POLG: variants seen among roughly 807,000 people sequenced by gnomAD.
POLG encodes the protein DNA polymerase gamma, catalytic subunit.
Under a neutral mutation model 155.4 loss-of-function variants are expected in POLG, and 110 were observed. That is an observed-to-expected ratio of 0.71 (90% confidence interval 0.61 to 0.83). The LOEUF is 0.83. Ranked by LOEUF, POLG falls within the 40% of genes least tolerant of loss-of-function variation. The pLI, the probability that POLG is intolerant of heterozygous loss-of-function variation, is 0.00. For missense variants in POLG, 1,685 were observed against 1,627.5 expected, an observed-to-expected ratio of 1.04 and a Z score of -0.61; for synonymous variants, 701 against 631.5, an observed-to-expected ratio of 1.11 and a Z score of -1.65.
chr15:89,325,494 C>T lies in POLG; in HGVS notation c.1905G>A (p.Pro635=), dbSNP rs550592814. Residue 635 remains proline (P), a synonymous_variant, in exon 10 of 23, where the codon CCG becomes CCA. Transcript: ENST00000268124. ...CAGCTGACTCCAGGGTGGTACCTGTCGGCAGCTTGGCCAGGTTGTCCCGCC... is the reference window on the plus strand; with the variant it reads ...CAGCTGACTCCAGGGTGGTACCTGTTGGCAGCTTGGCCAGGTTGTCCCGCC... The part of the protein sequence containing the change: ...PGRRDNLAKL[P]TGTTLESAGV... 9.2e-5 allele frequency: 148 copies of T among 1,608,740 alleles called. 1 individual carries two copies. The South Asian group carries it at 1.4e-3, about 15-fold the overall frequency.
Position 89,333,348 on chromosome 15 carries a change from T to G in POLG, c.407A>C (p.Asp136Ala), listed in dbSNP as rs1453249242. 3.2e-6 allele frequency: 5 copies of G among 1,568,484 alleles called. No individual in the cohort carries two copies. In the South Asian group the frequency reaches 3.4e-5, roughly 11 times the overall value. Reference protein sequence around the residue: ...RLPPLYGDNLDQHFRLLAQKQ... With the variant: ...RLPPLYGDNLAQHFRLLAQKQ... ...CTGGGCCAGGAGGCGGAAGTGCTGG[T>G]CCAGGTTGTCCCCGTAGAGGGGCGG... Residue 136 changes from aspartate (D) to alanine (A), a missense_variant, in exon 2 of 23, where the codon GAC becomes GCC. Physicochemically the swap from Asp to Ala is moderately radical, Grantham distance 126. This residue lies in a region of POLG where 1,210 missense variants were observed against 1,167.1 expected (regional missense o/e 1.04). Transcript: ENST00000268124.
chr15:89,331,583 C>G (rs769221264), intron 2 of POLG, among the ~76,000 whole-genome samples: 19 of 152,254 alleles, frequency 1.2e-4, no homozygotes, highest in Non-Finnish European at 2.4e-4. Flanking sequence ...AGACGTCCCT[C>G]TAGCCTGATG....
intron 6 of POLG, 52 bp from the exon 7 acceptor site, chr15:89,327,401 G>A: frequency 1.9e-6 from 3 of 1,554,518 alleles, no homozygotes; most frequent in South Asian, 1.1e-5. Flanking sequence ...AGGCAAGACT[G>A]GCCCAATCCC....
At chr15:89,332,147 T>C (rs1366953769) in intron 2 of POLG, 2 of 152,280 alleles carry the variant, frequency 1.3e-5, no homozygotes, top group South Asian at 2.1e-4. Flanking sequence ...AGTAGTGTGA[T>C]TCTCATTGTA....
intron 10 of POLG, 58 bp downstream of exon 10, chr15:89,325,392 A>G: frequency 2.4e-6 from 3 of 1,242,166 alleles, no homozygotes; most frequent in Non-Finnish European, 3.5e-6. Context: ...TGAGCTGACC[A>G]GCCAGGGGAA....
chr15:89,326,886 C>T lies in POLG; in HGVS notation c.1585+26G>A, dbSNP rs752028263. The T allele has an allele frequency of 8.1e-6, 13 of 1,613,524 alleles. No individual in the cohort carries two copies. In the East Asian group the frequency reaches 8.9e-5, roughly 11 times the overall value. On this transcript the variant is annotated intron_variant, in intron 8 of 22. Coordinates refer to ENST00000268124, the MANE Select transcript of POLG (RefSeq NM_002693.3). ...CTTCCCAGAGACAACCCCTACCCTACCCTACCTCCCACCCATGCTCCCCAC... is the reference window on the plus strand; with the variant it reads ...CTTCCCAGAGACAACCCCTACCCTATCCTACCTCCCACCCATGCTCCCCAC...
At chr15:89,325,261 AGTGAGTGAGTG>A (rs1567190010) in intron 10 of POLG, among the ~76,000 whole-genome samples, 178 bp downstream of exon 10, 6 of 108,626 alleles carry the variant, frequency 5.5e-5, no homozygotes, top group Admixed American at 8.5e-5. Flanking sequence ...AGAGAGAGTG[AGTGAGTGAGTG>A]AGAGAGAGAG....
rs1474085308 is a variant in POLG, at chr15:89,325,231, TGAGA to T, written c.1949+215_1949+218del. Among the ~76,000 whole-genome samples, 118 of 43,272 alleles carry T rather than the reference TGAGA, an allele frequency of 2.7e-3. 19 individuals are homozygous for T. Among genetic ancestry groups the T allele is most frequent in the African/African-American group, 9.3e-3 (86 of 9,266 alleles). 28.4% of individuals were successfully genotyped at this position (43,272 alleles called of 152,430 possible). On this transcript the variant is annotated intron_variant, in intron 10 of 22. Transcript: ENST00000268124. The stretch of plus-strand genomic sequence containing the variant: ...GAGAGTGAGTGAGTGAGAGAGTGAG[TGAGA>T]GAGTGAGTGAGTGAGAGAGAGAGTG...
intron 17 of POLG, 33 bp from the exon 18 acceptor site, chr15:89,321,045 C>G (rs746597702): frequency 6.2e-7 from 1 of 1,613,928 alleles, no homozygotes; most frequent in South Asian, 1.1e-5. Context: ...AAAAGCAGCT[C>G]AGGAACATTC....
chr15:89,326,844 C>T, intron 8 of POLG, 68 bp downstream of exon 8: 1 of 1,609,134 alleles, frequency 6.2e-7, no homozygotes, highest in Non-Finnish European at 8.5e-7. Flanking sequence ...TTCGAAGGAC[C>T]CCCTCAATCA....
rs780017269 is a variant in POLG, at chr15:89,325,486, G to C, written c.1913C>G (p.Thr638Ser). 6.2e-7 allele frequency: 1 copy of C among 1,607,502 alleles called. No homozygotes were observed. Among genetic ancestry groups the C allele is most frequent in the South Asian group, 1.1e-5 (1 of 91,072 alleles). The change falls in exon 10 of 23, where the codon ACC (threonine) becomes AGC (serine). Residue 638 changes from threonine (T) to serine (S), a missense_variant. Transcript: ENST00000268124. ...RDNLAKLPTG[T>S]TLESAGVVCP... ...GACCACCCCAGCTGACTCCAGGGTG[G>C]TACCTGTCGGCAGCTTGGCCAGGTT... is the stretch of plus-strand genomic sequence containing the variant.
chr15:89,325,184 GAGT>G (rs2055483819), intron 10 of POLG, among the ~76,000 whole-genome samples: 1 of 91,668 alleles, frequency 1.1e-5, no homozygotes, highest in Non-Finnish European at 2.3e-5. Context: ...GTGAGAGAGT[GAGT>G]GAGTGAGAGA....
chr15:89,320,769 C>A lies in POLG; in HGVS notation c.2978G>T (p.Arg993Leu). Reference protein sequence around the residue: ...QQMYAATKGLRWYRLSDEGEW... With the variant: ...QQMYAATKGLLWYRLSDEGEW... ...TGGATGGGAGAGGGACCCTCACCAG[C>A]GGAGGCCCTTGGTGGCAGCGTACAT... The change falls in exon 18 of 23, where the codon CGC becomes CTC. Residue 993 changes from arginine (R) to leucine (L), a missense_variant. By Grantham distance (102) the Arg-to-Leu change is moderately radical. Around this residue, in one of 3 missense-constraint regions of POLG, gnomAD observed 470 missense variants for 439.9 expected, o/e 1.07. Transcript: ENST00000268124. 1 of 1,612,936 alleles carries A rather than the reference C, an allele frequency of 6.2e-7. No homozygotes were observed. Among genetic ancestry groups the A allele is most frequent in the Non-Finnish European group, 8.5e-7 (1 of 1,180,014 alleles).
At chr15:89,331,373 C>CT (rs1269715385) in intron 2 of POLG, among the ~76,000 whole-genome samples, 1 of 151,976 alleles carries the variant, frequency 6.6e-6, no homozygotes, top group Non-Finnish European at 1.5e-5. Context: ...AATGCCAAAT[C>CT]TTTGAGGCCA....
chr15:89,331,786 C>G (rs2055597337), intron 2 of POLG, among the ~76,000 whole-genome samples: 1 of 151,986 alleles, frequency 6.6e-6, no homozygotes, highest in Admixed American at 6.6e-5. Context: ...CCCCACCCAC[C>G]AGTCAGACTC....
In POLG at chr15:89,316,530, T is replaced by C. The variant is rs1447874569; in HGVS notation, c.*221A>G. On this transcript the variant is annotated 3_prime_UTR_variant, in exon 23 of 23. Transcript: ENST00000268124. ...TTTACCCAACAAGCAACAATGCCCC[T>C]TGTCCTGTAGTCCACACCGATGTTG... 1 of 1,468,206 alleles carries C rather than the reference T, an allele frequency of 6.8e-7. No homozygotes were observed. The highest frequency in any genetic ancestry group is 1.9e-5 in the Admixed American group (1 of 52,356). The allele number at this position is 1,468,206 out of a possible 1,614,324, so 90.9% of individuals were successfully genotyped here. A position where few individuals can be genotyped will look rare whatever the true frequency, so the allele number is the denominator to read the frequency against.
chr15:89,327,513 C>T (rs1227311112), intron 6 of POLG, among the ~76,000 whole-genome samples, 164 bp from the exon 7 acceptor site: 2 of 152,220 alleles, frequency 1.3e-5, no homozygotes, highest in Non-Finnish European at 2.9e-5. Flanking sequence ...CCTGGGTAAG[C>T]AACCCCATCT....
intron 18 of POLG, among the ~76,000 whole-genome samples, chr15:89,320,257 G>C (rs954222161): frequency 6.6e-6 from 1 of 152,218 alleles, no homozygotes; most frequent in African/African-American, 2.4e-5. Context: ...ACCCTGCAGA[G>C]AGTCTGCTAA....
At chr15:89,316,990 T>C (rs1596347537) in intron 22 of POLG, 163 bp from the exon 23 acceptor site, 2 of 663,558 alleles carry the variant, frequency 3.0e-6, no homozygotes, top group Middle Eastern at 2.5e-4. Context: ...TGTTTTCTTT[T>C]TATATAAGTG....
Sources: allele counts gnomAD v4.1 joint callset (sites outside exome capture counted in the v4.1 genomes callset), GRCh38; gene constraint gnomAD v4.1.1; regional missense constraint gnomAD v4.1.1; transcripts MANE v1.5; gene names NCBI Gene and HGNC (gene_info 2026-07-23, HGNC 2026-07-21).